XRCC4: variants seen among roughly 807,000 people sequenced by gnomAD.
XRCC4 encodes X-ray repair cross complementing 4.
XRCC4 carries 28 observed loss-of-function variants against 39.1 expected under a neutral mutation model. That is an observed-to-expected ratio of 0.72 (90% CI 0.53 to 0.98). The LOEUF is 0.98. Among genes scored for constraint, XRCC4 ranks in the 50% least tolerant of loss-of-function variants. The pLI, the probability that XRCC4 is intolerant of heterozygous loss-of-function variation, is 0.00. For missense variants in XRCC4, 350 were observed against 376.4 expected, an observed-to-expected ratio of 0.93 and a Z score of 0.58; for synonymous variants, 123 against 126.4, an observed-to-expected ratio of 0.97 and a Z score of 0.18.
At chr5:83,120,014 A>T (rs1468323676) in intron 3 of XRCC4, among the ~76,000 whole-genome samples, 2 of 151,012 alleles carry the variant, frequency 1.3e-5, no homozygotes, top group East Asian at 1.9e-4. Flanking sequence ...AAAAAAAAAA[A>T]ACAATAACAG....
intron 3 of XRCC4, among the ~76,000 whole-genome samples, chr5:83,169,582 G>C (rs1427292009): frequency 1.3e-5 from 2 of 152,140 alleles, no homozygotes; most frequent in Non-Finnish European, 2.9e-5. Flanking sequence ...AAGACAAAGA[G>C]TAAGCCAACC....
At chr5:83,260,449 C>T (rs932939861) in intron 7 of XRCC4, among the ~76,000 whole-genome samples, 5 of 151,908 alleles carry the variant, frequency 3.3e-5, no homozygotes, top group Non-Finnish European at 7.4e-5. Flanking sequence ...AACTTTCAGT[C>T]CAATTGTTTT....
chr5:83,298,718 C>A (rs1422675756), intron 7 of XRCC4, among the ~76,000 whole-genome samples: 1 of 151,694 alleles, frequency 6.6e-6, no homozygotes, highest in African/African-American at 2.4e-5. Flanking sequence ...TGTTTCTCTT[C>A]TTTTAGTATC....
chr5:83,372,837 A>T, the XRCC4 span, among the ~76,000 whole-genome samples: 2 of 152,220 alleles, frequency 1.3e-5, no homozygotes, highest in Non-Finnish European at 2.9e-5. Flanking sequence ...GGGAAATAAA[A>T]GTTTGATTTA....
At chr5:83,239,875 G>A (rs111661009) in intron 6 of XRCC4, among the ~76,000 whole-genome samples, 5,701 of 151,320 alleles carry the variant, frequency 0.038, 358 homozygotes, top group African/African-American at 0.13. Context: ...TAAAAGAATA[G>A]TGTTGGGTGT....
intron 6 of XRCC4, among the ~76,000 whole-genome samples, chr5:83,235,334 C>CA (rs57372204): frequency 0.28 from 16,174 of 58,068 alleles, 2,434 homozygotes; most frequent in East Asian, 0.62. Context: ...GACCCTATCT[C>CA]AAAAAAAAAA....
intron 3 of XRCC4, among the ~76,000 whole-genome samples, chr5:83,131,821 T>C (rs1290737208): frequency 6.6e-6 from 1 of 152,198 alleles, no homozygotes; most frequent in East Asian, 1.9e-4. Flanking sequence ...TGATGGGTTG[T>C]GACTCTTTCT....
intron 3 of XRCC4, among the ~76,000 whole-genome samples, chr5:83,175,397 T>A (rs990254218): frequency 2.6e-5 from 4 of 152,172 alleles, no homozygotes; most frequent in Non-Finnish European, 5.9e-5. Context: ...AAAAAATTTT[T>A]AAAAATATGT....
At chr5:83,281,296 C>A (rs1311299387) in intron 7 of XRCC4, among the ~76,000 whole-genome samples, 1 of 152,064 alleles carries the variant, frequency 6.6e-6, no homozygotes, top group Non-Finnish European at 1.5e-5. Context: ...CAGAGTGATC[C>A]TTCTAAGATG....
intron 3 of XRCC4, among the ~76,000 whole-genome samples, chr5:83,189,404 A>C (rs557670453): frequency 1.2e-4 from 19 of 152,290 alleles, no homozygotes; most frequent in African/African-American, 4.3e-4. Flanking sequence ...CGTAGCCTTA[A>C]AATGCTTATA....
intron 6 of XRCC4, among the ~76,000 whole-genome samples, chr5:83,238,785 C>CA (rs914674539): frequency 5.7e-4 from 85 of 150,234 alleles, no homozygotes; most frequent in African/African-American, 4.1e-4. Context: ...TTATCAGTAA[C>CA]AAAAAAAAAT....
At chr5:83,085,489 A>G (rs1745141155) in intron 1 of XRCC4, among the ~76,000 whole-genome samples, 1 of 151,014 alleles carries the variant, frequency 6.6e-6, no homozygotes, top group Non-Finnish European at 1.5e-5. Context: ...TTTTTTTTGT[A>G]ATTTTTAGGT....
Position 83,147,265 on chromosome 5 carries a change from C to CA in XRCC4, c.315+36065dup, listed in dbSNP as rs201725631. Among the ~76,000 whole-genome samples the CA allele has an allele frequency of 2.6e-5, 4 of 152,152 alleles. No homozygotes were observed. In the East Asian group the frequency reaches 7.7e-4, roughly 29 times the overall value. ...ATAGCGAGGCTTTGTCTCTAAGAAA[C>CA]AAACAAAAACTCCATACACACAGGA... On this transcript the variant is annotated intron_variant, in intron 3 of 7. Transcript: ENST00000396027.
intron 6 of XRCC4, among the ~76,000 whole-genome samples, chr5:83,253,842 C>T (rs1242460934): frequency 6.6e-6 from 1 of 151,980 alleles, no homozygotes; most frequent in African/African-American, 2.4e-5. Context: ...TTGAGAGTAC[C>T]CAGGGAAGCT....
chr5:83,204,992 C>T, intron 6 of XRCC4, 71 bp downstream of exon 6: 2 of 1,048,640 alleles, frequency 1.9e-6, no homozygotes, highest in Non-Finnish European at 2.8e-6. Flanking sequence ...TGACAAGAAA[C>T]CATAATGGAA....
At chr5:83,134,658 A>G (rs535951187) in intron 3 of XRCC4, among the ~76,000 whole-genome samples, 4 of 152,324 alleles carry the variant, frequency 2.6e-5, no homozygotes, top group Admixed American at 2.0e-4. Context: ...GAATAAACGC[A>G]GGCAACCTGA....
chr5:83,144,024 C>T (rs913516612), intron 3 of XRCC4, among the ~76,000 whole-genome samples: 10 of 151,874 alleles, frequency 6.6e-5, no homozygotes, highest in African/African-American at 1.9e-4. Context: ...TACATTCTAC[C>T]CTATATGTAG....
chr5:83,369,238 C>A, the XRCC4 span, among the ~76,000 whole-genome samples: 3 of 152,178 alleles, frequency 2.0e-5, no homozygotes, highest in African/African-American at 7.2e-5. Flanking sequence ...ATTTTACTTT[C>A]TTTGTTTTCT....
intron 6 of XRCC4, among the ~76,000 whole-genome samples, chr5:83,234,319 C>T (rs1034828438): frequency 1.3e-5 from 2 of 152,138 alleles, no homozygotes; most frequent in Non-Finnish European, 2.9e-5. Context: ...AAATCACAAG[C>T]TTTATCTTTT....
Sources: gnomAD v4.1 joint callset for allele counts (sites outside exome capture counted in the v4.1 genomes callset) on GRCh38, gnomAD v4.1.1 for gene constraint, MANE v1.5 for transcripts, NCBI Gene and HGNC (gene_info 2026-07-23, HGNC 2026-07-21) for gene names.